Variants in RASEF observed in about 807,000 individuals in gnomAD.
RASEF encodes the protein ras and EF-hand domain-containing protein.
A neutral mutation model predicts 90.1 loss-of-function variants in RASEF; 68 were observed. That is an observed-to-expected ratio of 0.75 (90% CI 0.62 to 0.92). The LOEUF (loss-of-function observed/expected upper bound fraction) is 0.92, where lower values mean the gene tolerates loss of function less well. RASEF is among the 40% of genes least tolerant of loss of function. RASEF has a pLI of 0.00. For missense variants in RASEF, 949 were observed against 937.2 expected (o/e 1.01, Z -0.16); for synonymous variants, 331 against 345.2 (o/e 0.96, Z 0.46).
chr9:82,998,997 TACTG>T (rs1212615119), intron 12 of RASEF, among the ~76,000 whole-genome samples: 1 of 152,188 alleles, frequency 6.6e-6, no homozygotes, highest in Non-Finnish European at 1.5e-5. Flanking sequence ...CTGAACCAAA[TACTG>T]TATGTAGTCT....
the RASEF span, among the ~76,000 whole-genome samples, chr9:83,147,626 T>C: frequency 9.2e-5 from 14 of 152,228 alleles, no homozygotes; most frequent in South Asian, 2.9e-3. Flanking sequence ...AAAGCCCTGG[T>C]AAGCATGTGT....
At chr9:83,029,199 C>T (rs1260238096) in intron 1 of RASEF, among the ~76,000 whole-genome samples, 1 of 152,044 alleles carries the variant, frequency 6.6e-6, no homozygotes, top group East Asian at 1.9e-4. Context: ...CTGTGGGCCA[C>T]CTGATCAACC....
At chr9:83,102,758 G>T in the RASEF span, among the ~76,000 whole-genome samples, 4 of 152,126 alleles carry the variant, frequency 2.6e-5, no homozygotes, top group African/African-American at 2.4e-5. Context: ...TGGGGCACAG[G>T]GGCCACCCCT....
In RASEF at chr9:82,998,406, T is replaced by C. The variant is rs1398357308; in HGVS notation, c.1764A>G (p.Glu588=). 8.1e-6 allele frequency: 13 copies of C among 1,613,422 alleles called. No homozygotes were observed. The highest frequency in any genetic ancestry group is 1.1e-5 in the Non-Finnish European group (13 of 1,179,308). ...FQMKTLIVDG[E]RTVLQLWDTA... ...TATCCCAGAGCTGCAGAACTGTTCG[T>C]TCTCCATCCACAATGAGGGTTTTCA... The change falls in exon 13 of 17, where the codon GAA becomes GAG. Residue 588 remains glutamate (E), a synonymous_variant. Transcript: ENST00000376447.
At chr9:83,183,149 C>T in the RASEF span, among the ~76,000 whole-genome samples, 10 of 151,666 alleles carry the variant, frequency 6.6e-5, no homozygotes, top group Non-Finnish European at 1.2e-4. Context: ...TCCAATGGAT[C>T]CTTTAAACAG....
rs1829459468 is a variant in RASEF, at chr9:83,022,341, T to C, written c.664A>G (p.Lys222Glu). Residue 222 changes from lysine to glutamate, a missense_variant, in exon 3 of 17, where the codon AAA becomes GAA. Around this residue, in one of 3 missense-constraint regions of RASEF, gnomAD observed 656 missense variants for 592.2 expected, o/e 1.11. Transcript: ENST00000376447. ...TGGCCAACCCAGAAACTCACGTCTT[T>C]CCGTGTCTTATGTTCTGCAGCCTGA... ...RIQAAEHKTR[K>E]DEKRKAEEAL... 2 of 1,613,370 alleles carry C rather than the reference T, an allele frequency of 1.2e-6. No individual in the cohort carries two copies. The highest frequency in any genetic ancestry group is 8.5e-7 in the Non-Finnish European group (1 of 1,179,532).
chr9:83,166,888 C>A, the RASEF span, among the ~76,000 whole-genome samples: 1 of 152,100 alleles, frequency 6.6e-6, no homozygotes, highest in Non-Finnish European at 1.5e-5. Context: ...ATCTCTTTAT[C>A]TTGTTTTACA....
At position 82,982,770 on chromosome 9, in the gene RASEF, CT is replaced by C; in HGVS notation, c.2129del (p.Lys710ArgfsTer14). ...AVLHLAREVK[K>X]RTDKDDSRSI... ...ATCTGCTGTCATCCTTGTCAGTTCT[CT>C]TTTTCACTTCTCTGAGACAGAGATA... On this transcript the variant is annotated frameshift_variant, in exon 17 of 17. Coordinates refer to ENST00000376447, the MANE Select transcript of RASEF (RefSeq NM_152573.4). LOFTEE classifies it high-confidence loss of function. The C allele has an allele frequency of 1.3e-6, 2 of 1,588,196 alleles. No homozygotes were observed. The highest frequency in any genetic ancestry group is 1.7e-6 in the Non-Finnish European group (2 of 1,157,490).
the RASEF span, among the ~76,000 whole-genome samples, chr9:83,155,352 C>T: frequency 1.3e-5 from 2 of 152,246 alleles, no homozygotes; most frequent in Admixed American, 6.5e-5. Flanking sequence ...GTTTAATGGA[C>T]TCACAGTTCC....
the RASEF span, among the ~76,000 whole-genome samples, chr9:83,135,283 T>C: frequency 5.3e-5 from 8 of 151,890 alleles, no homozygotes; most frequent in Admixed American, 5.2e-4. Context: ...CACCCATAGG[T>C]GTGAATTGAA....
the RASEF span, among the ~76,000 whole-genome samples, chr9:83,094,288 C>T: frequency 6.6e-6 from 1 of 151,144 alleles, no homozygotes; most frequent in East Asian, 1.9e-4. Flanking sequence ...GAAATACCCA[C>T]AACATTGTGA....
chr9:83,071,964 C>T, the RASEF span, among the ~76,000 whole-genome samples: 2 of 152,212 alleles, frequency 1.3e-5, no homozygotes, highest in African/African-American at 4.8e-5. Context: ...CTATTCATCA[C>T]TAAGGCCAAC....
chr9:83,135,997 G>A, the RASEF span, among the ~76,000 whole-genome samples: 1 of 151,876 alleles, frequency 6.6e-6, no homozygotes, highest in Admixed American at 6.6e-5. Flanking sequence ...AGGCTTATGA[G>A]AATGTAAATA....
chr9:82,996,963 C>T (rs747393784), intron 14 of RASEF, 49 bp downstream of exon 14: 1 of 1,073,320 alleles, frequency 9.3e-7, no homozygotes, highest in Non-Finnish European at 1.5e-6. Context: ...TCCAAGATGG[C>T]CTAAAACTTC....
At chr9:82,999,819 G>C (rs1312253610) in intron 12 of RASEF, among the ~76,000 whole-genome samples, 2 of 152,020 alleles carry the variant, frequency 1.3e-5, no homozygotes, top group Non-Finnish European at 2.9e-5. Context: ...GGCCAGGCTG[G>C]TCTTGAACTC....
At chr9:83,022,461 A>G (rs1246759112) in intron 2 of RASEF, 35 bp from the exon 3 acceptor site, 4 of 1,454,040 alleles carry the variant, frequency 2.8e-6, no homozygotes, top group Non-Finnish European at 3.9e-6. Context: ...TTTTCATTAT[A>G]CTCTTGAACT....
At chr9:83,045,234 A>T (rs1829907577) in intron 1 of RASEF, among the ~76,000 whole-genome samples, 1 of 152,160 alleles carries the variant, frequency 6.6e-6, no homozygotes, top group Non-Finnish European at 1.5e-5. Context: ...TCTCTGGAGA[A>T]CTCTAACTAA....
At chr9:83,062,340 G>A (rs1587532050) in intron 1 of RASEF, 97 bp downstream of exon 1, 1 of 1,102 alleles carries the variant, frequency 9.1e-4, no homozygotes, top group Non-Finnish European at 4.6e-3. Context: ...GAGAAGACTA[G>A]GGGGGGGGGC....
At chr9:83,153,773 C>T in the RASEF span, among the ~76,000 whole-genome samples, 1 of 152,194 alleles carries the variant, frequency 6.6e-6, no homozygotes, top group African/African-American at 2.4e-5. Flanking sequence ...GATAAAACTC[C>T]ACAAGCTTCG....
Sources: gnomAD v4.1 joint callset for allele counts (sites outside exome capture counted in the v4.1 genomes callset) on GRCh38, gnomAD v4.1.1 for gene constraint, gnomAD v4.1.1 regional missense constraint, MANE v1.5 for transcripts, NCBI Gene and HGNC (gene_info 2026-07-23, HGNC 2026-07-21) for gene names.